Variants in TNKS observed in about 807,000 individuals in gnomAD.
TNKS encodes the protein tankyrase, also known as poly [ADP-ribose] polymerase tankyrase-1.
In TNKS, 72 loss-of-function variants were observed where a neutral mutation model predicts 135.8. That is an observed-to-expected ratio of 0.53 (90% confidence interval 0.44 to 0.64). TNKS has a LOEUF of 0.64. Among genes scored for constraint, TNKS ranks in the 30% least tolerant of loss-of-function variants. The pLI is 0.00. For missense variants in TNKS, 1,769 were observed against 1,674.0 expected (o/e 1.06, Z -0.99); for synonymous variants, 849 against 649.3 (o/e 1.31, Z -4.68).
intron 1 of TNKS, among the ~76,000 whole-genome samples, chr8:9,579,896 A>G (rs981184153): frequency 6.6e-6 from 1 of 152,216 alleles, no homozygotes; most frequent in Non-Finnish European, 1.5e-5. Context: ...TTGTGTTTCT[A>G]GCACTGTTGC....
At chr8:9,593,898 A>T (rs555383374) in intron 2 of TNKS, among the ~76,000 whole-genome samples, 28 of 150,918 alleles carry the variant, frequency 1.9e-4, no homozygotes, top group African/African-American at 3.4e-4. Context: ...TATTATTATT[A>T]TTTTTTGAGA....
chr8:9,727,498 G>T (rs1200276667), intron 13 of TNKS, among the ~76,000 whole-genome samples: 4 of 152,058 alleles, frequency 2.6e-5, no homozygotes, highest in Non-Finnish European at 4.4e-5. Context: ...AAACTCCTGG[G>T]GCTCAAGCAA....
chr8:9,702,318 CACACACACAT>C (rs1021098902), intron 5 of TNKS, among the ~76,000 whole-genome samples: 23 of 151,770 alleles, frequency 1.5e-4, no homozygotes, highest in Middle Eastern at 3.4e-3. Flanking sequence ...TGCACACACA[CACACACACAT>C]ACACACACGA....
At chr8:9,664,363 C>A (rs1427150491) in intron 3 of TNKS, among the ~76,000 whole-genome samples, 1 of 152,196 alleles carries the variant, frequency 6.6e-6, no homozygotes, top group Admixed American at 6.5e-5. Context: ...TGAGAACTCA[C>A]TCACACTTCC....
intron 26 of TNKS, among the ~76,000 whole-genome samples, chr8:9,774,739 C>G (rs1388269226): frequency 6.6e-6 from 1 of 152,168 alleles, no homozygotes; most frequent in Admixed American, 6.5e-5. Flanking sequence ...CCATTAGAAT[C>G]TTAGAATCCA....
intron 18 of TNKS, among the ~76,000 whole-genome samples, chr8:9,748,610 T>A (rs1432961711): frequency 6.6e-6 from 1 of 152,224 alleles, no homozygotes; most frequent in Non-Finnish European, 1.5e-5. Flanking sequence ...TGGGCAGTAT[T>A]ATTTAACTGC....
chr8:9,653,390 G>A (rs1363658169), intron 3 of TNKS, among the ~76,000 whole-genome samples: 1 of 152,046 alleles, frequency 6.6e-6, no homozygotes, highest in Non-Finnish European at 1.5e-5. Context: ...AATCAAGACT[G>A]GGTAATTTAT....
At chr8:9,735,722 C>G (rs913001170) in intron 17 of TNKS, among the ~76,000 whole-genome samples, 1 of 152,004 alleles carries the variant, frequency 6.6e-6, no homozygotes, top group African/African-American at 2.4e-5. Context: ...ATGGCATGAA[C>G]CCGGGAGGCG....
At chr8:9,745,440 C>T (rs1478590675) in intron 17 of TNKS, among the ~76,000 whole-genome samples, 4 of 152,034 alleles carry the variant, frequency 2.6e-5, no homozygotes, top group Non-Finnish European at 2.9e-5. Flanking sequence ...GAATCTCACT[C>T]TTCACCCAGG....
intron 2 of TNKS, among the ~76,000 whole-genome samples, chr8:9,600,578 G>T (rs543114235): frequency 6.6e-6 from 1 of 152,146 alleles, no homozygotes; most frequent in African/African-American, 2.4e-5. Flanking sequence ...CTCCCAAAAT[G>T]GTAGGATTTC....
intron 5 of TNKS, among the ~76,000 whole-genome samples, chr8:9,695,593 A>C (rs1803478020): frequency 6.6e-6 from 1 of 152,196 alleles, no homozygotes; most frequent in Non-Finnish European, 1.5e-5. Context: ...CAAGATTTGT[A>C]TACCTAACTT....
intron 1 of TNKS, chr8:9,557,184 A>G (rs896975942): frequency 1.7e-4 from 26 of 154,172 alleles, no homozygotes; most frequent in Non-Finnish European, 3.6e-4. Flanking sequence ...GAATATTTGG[A>G]TGCATTATAT....
At chr8:9,763,123 T>C in intron 21 of TNKS, 24 bp from the exon 22 acceptor site, 2 of 1,400,028 alleles carry the variant, frequency 1.4e-6, no homozygotes, top group Non-Finnish European at 2.0e-6. Flanking sequence ...TTTTGTTTTA[T>C]ATGTTAATTT....
At chr8:9,586,360 T>C (rs926619373) in intron 2 of TNKS, among the ~76,000 whole-genome samples, 1 of 152,190 alleles carries the variant, frequency 6.6e-6, no homozygotes, top group Admixed American at 6.5e-5. Flanking sequence ...GTAATTCCCA[T>C]TTTTCCCATC....
chr8:9,648,011 G>A (rs1377302965), intron 3 of TNKS, among the ~76,000 whole-genome samples: 3 of 152,052 alleles, frequency 2.0e-5, no homozygotes, highest in Non-Finnish European at 4.4e-5. Context: ...CATAGAAAAG[G>A]TACAGTAAAA....
chr8:9,720,009 C>G (rs1267405917), intron 11 of TNKS, among the ~76,000 whole-genome samples: 1 of 152,114 alleles, frequency 6.6e-6, no homozygotes, highest in Non-Finnish European at 1.5e-5. Flanking sequence ...TGGTAAAAAT[C>G]CATTCATTCA....
chr8:9,761,495 T>A, intron 20 of TNKS, 21 bp from the exon 21 acceptor site: 1 of 1,612,108 alleles, frequency 6.2e-7, no homozygotes, highest in African/African-American at 1.3e-5. Flanking sequence ...ATATCCTAGC[T>A]AATTTTGTTT....
At chr8:9,748,252 C>T in intron 18 of TNKS, 40 bp downstream of exon 18, 1 of 1,397,862 alleles carries the variant, frequency 7.2e-7, no homozygotes, top group Non-Finnish European at 9.4e-7. Context: ...GTTCCTTCTA[C>T]TTTCACAGAT....
At chr8:9,715,494 T>C (rs1243965784) in intron 11 of TNKS, among the ~76,000 whole-genome samples, 5 of 152,078 alleles carry the variant, frequency 3.3e-5, no homozygotes, top group African/African-American at 9.7e-5. Context: ...ATGTATCTAA[T>C]GTTACTCTTC....
Sources: gnomAD v4.1 joint callset for allele counts (sites outside exome capture counted in the v4.1 genomes callset) on GRCh38, gnomAD v4.1.1 for gene constraint, MANE v1.5 for transcripts, NCBI Gene and HGNC (gene_info 2026-07-23, HGNC 2026-07-21) for gene names.